The following SHROOM3 variants were observed in gnomAD, a reference collection of about 807,000 sequenced individuals.
The protein encoded by SHROOM3 is shroom family member 3.
In SHROOM3, 47 loss-of-function variants were observed where a neutral mutation model predicts 138.6. The observed-to-expected ratio is 0.34, with a 90% CI of 0.27 to 0.43. The LOEUF is 0.43. Among genes scored for constraint, SHROOM3 ranks in the 20% least tolerant of loss-of-function variants. The pLI is 1.00. For missense variants in SHROOM3, 2,491 were observed against 2,596.5 expected, an observed-to-expected ratio of 0.96 and a Z score of 0.88; for synonymous variants, 1,062 against 1,063.3, an observed-to-expected ratio of 1.00 and a Z score of 0.02.
chr4:76,464,099 T>C (rs1185704749), intron 1 of SHROOM3, among the ~76,000 whole-genome samples: 3 of 152,222 alleles, frequency 2.0e-5, no homozygotes, highest in Non-Finnish European at 2.9e-5. Context: ...CAGCCTGCAC[T>C]GTGCACCCGG....
At chr4:76,505,658 GA>G (rs1221416048) in intron 1 of SHROOM3, among the ~76,000 whole-genome samples, 2 of 144,232 alleles carry the variant, frequency 1.4e-5, no homozygotes, top group Non-Finnish European at 3.0e-5. Context: ...TAGGTATTGT[GA>G]CTTTTTTTTT....
chr4:76,552,803 A>T (rs1000616522), intron 1 of SHROOM3, among the ~76,000 whole-genome samples: 2 of 152,076 alleles, frequency 1.3e-5, no homozygotes, highest in African/African-American at 4.8e-5. Flanking sequence ...CTAAAAAAAG[A>T]GAAAATATGG....
At chr4:76,442,445 T>TG (rs578003671) in intron 1 of SHROOM3, among the ~76,000 whole-genome samples, 88 of 146,898 alleles carry the variant, frequency 6.0e-4, no homozygotes, top group Non-Finnish European at 1.1e-3. Flanking sequence ...AGTCTTGCTC[T>TG]GTCGCCCAGG....
At chr4:76,606,180 AT>A (rs1156858453) in intron 2 of SHROOM3, among the ~76,000 whole-genome samples, 1 of 148,996 alleles carries the variant, frequency 6.7e-6, no homozygotes, top group Non-Finnish European at 1.5e-5. Context: ...CGCCTAGCTA[AT>A]TTTTGTATTT....
intron 2 of SHROOM3, among the ~76,000 whole-genome samples, chr4:76,704,416 G>A (rs1215355513): frequency 6.6e-6 from 1 of 152,212 alleles, no homozygotes; most frequent in Non-Finnish European, 1.5e-5. Context: ...GGAAAGATCA[G>A]GTGCCAGGAA....
At chr4:76,760,569 G>A (rs1432522458) in intron 9 of SHROOM3, among the ~76,000 whole-genome samples, 1 of 152,148 alleles carries the variant, frequency 6.6e-6, no homozygotes, top group Non-Finnish European at 1.5e-5. Flanking sequence ...TCTACAATGT[G>A]TCCCAAGCTG....
At chr4:76,689,601 T>C (rs1719450555) in intron 2 of SHROOM3, 2 of 985,098 alleles carry the variant, frequency 2.0e-6, no homozygotes, top group Non-Finnish European at 2.4e-6. Context: ...CCGCCGGCGA[T>C]GCCGCGCGCC....
chr4:76,600,898 A>T (rs1734491443), intron 2 of SHROOM3, among the ~76,000 whole-genome samples: 2 of 152,354 alleles, frequency 1.3e-5, no homozygotes, highest in South Asian at 4.1e-4. Flanking sequence ...ACTGGTTTTG[A>T]TTGCCACTGA....
chr4:76,490,296 A>G (rs1175340837), intron 1 of SHROOM3, among the ~76,000 whole-genome samples: 1 of 152,180 alleles, frequency 6.6e-6, no homozygotes, highest in East Asian at 1.9e-4. Flanking sequence ...GTGGAGTTAC[A>G]AAATTACAAA....
At chr4:76,608,574 GCATAGCATAGCATAGCA>G (rs1287385300) in intron 2 of SHROOM3, among the ~76,000 whole-genome samples, 8 of 149,632 alleles carry the variant, frequency 5.3e-5, no homozygotes, top group African/African-American at 2.0e-4. Flanking sequence ...GCATAGCATA[GCATAGCATAGCATAGCA>G]TAGCATAGCA....
At chr4:76,580,212 A>T (rs1734020669) in intron 2 of SHROOM3, among the ~76,000 whole-genome samples, 1 of 152,186 alleles carries the variant, frequency 6.6e-6, no homozygotes, top group Non-Finnish European at 1.5e-5. Context: ...CATTCAACTG[A>T]TCCCCTCTGC....
At chr4:76,661,481 C>T (rs1383922776) in intron 2 of SHROOM3, among the ~76,000 whole-genome samples, 3 of 152,040 alleles carry the variant, frequency 2.0e-5, no homozygotes, top group East Asian at 3.9e-4. Flanking sequence ...CCGCCCACCT[C>T]GGCCTCCCAA....
intron 1 of SHROOM3, among the ~76,000 whole-genome samples, chr4:76,477,519 T>C (rs1731512596): frequency 6.6e-6 from 1 of 152,076 alleles, no homozygotes; most frequent in African/African-American, 2.4e-5. Flanking sequence ...AATTTTGGAA[T>C]TATTCTCATG....
intron 1 of SHROOM3, among the ~76,000 whole-genome samples, chr4:76,515,887 A>T (rs1560530615): frequency 6.6e-6 from 1 of 152,186 alleles, no homozygotes; most frequent in Non-Finnish European, 1.5e-5. Flanking sequence ...TAAATAATTA[A>T]TTTGAGATAT....
At chr4:76,625,947 G>A (rs867449470) in intron 2 of SHROOM3, among the ~76,000 whole-genome samples, 1 of 152,308 alleles carries the variant, frequency 6.6e-6, no homozygotes, top group East Asian at 1.9e-4. Flanking sequence ...ATTTGTTGAA[G>A]GCTCAATTGA....
rs1016572965 is a variant in SHROOM3 at position 76,741,247 on chromosome 4, A to G, written c.3074A>G (p.Lys1025Arg). The change falls in exon 5 of 11, where the codon AAG becomes AGG. Residue 1025 changes from lysine (K) to arginine (R), a missense_variant. By Grantham distance (26) the Lys-to-Arg change is conservative. Around this residue, in one of 4 missense-constraint regions of SHROOM3, gnomAD observed 1,733 missense variants for 1,661.6 expected, o/e 1.04. Coordinates refer to ENST00000296043, the MANE Select transcript of SHROOM3 (RefSeq NM_020859.4). This position sits in a 1 kb window ranked among gnomAD's most constrained non-coding sequence, Gnocchi z 6.2. Reference sequence around the variant, plus strand: ...AAGCGCTCCTACTCGGAGCCCGAGAAGATGAACGAGGTGGGGATCGTGGAG... The same window carrying G: ...AAGCGCTCCTACTCGGAGCCCGAGAGGATGAACGAGGTGGGGATCGTGGAG... ...QKKRSYSEPE[K>R]MNEVGIVEEA... is the part of the protein sequence containing the mutation. The G allele has an allele frequency of 1.2e-6, 2 of 1,611,758 alleles. No homozygotes were observed. The highest frequency in any genetic ancestry group is 1.3e-5 in the African/African-American group (1 of 74,904).
chr4:76,478,079 GA>G (rs1220203450), intron 1 of SHROOM3, among the ~76,000 whole-genome samples: 32 of 152,264 alleles, frequency 2.1e-4, no homozygotes, highest in African/African-American at 7.2e-4. Flanking sequence ...CTAGCTACAG[GA>G]GTTTATTTTT....
chr4:76,607,896 C>T (rs546494378), intron 2 of SHROOM3, among the ~76,000 whole-genome samples: 2 of 152,264 alleles, frequency 1.3e-5, no homozygotes, highest in South Asian at 4.1e-4. Context: ...TAACATTAAC[C>T]TTTATGAAGG....
Position 76,608,673 on chromosome 4 carries a change from T to TAGCATAGCAC in SHROOM3, c.323+52914_323+52915insTAGCACAGCA, listed in dbSNP as rs1734692965. ...TAGCATAGCATAGCATAGCACAGCA[T>TAGCATAGCAC]AGCACAGCACAGCACAGCACAGCAC... On this transcript the variant is annotated intron_variant, in intron 2 of 10. Transcript: ENST00000296043. Among the ~76,000 whole-genome samples the TAGCATAGCAC allele has an allele frequency of 1.9e-4, 20 of 108,104 alleles. 1 individual carries two copies. Among genetic ancestry groups the TAGCATAGCAC allele is most frequent in the African/African-American group, 5.9e-4 (17 of 28,736 alleles). 70.9% of individuals were successfully genotyped at this position (108,104 alleles called of 152,430 possible).
Sources: gnomAD v4.1 joint callset for allele counts (sites outside exome capture counted in the v4.1 genomes callset) on GRCh38, gnomAD v4.1.1 for gene constraint, gnomAD v4.1.1 regional missense constraint, Gnocchi (gnomAD v3.1) non-coding constraint, MANE v1.5 for transcripts, NCBI Gene and HGNC (gene_info 2026-07-23, HGNC 2026-07-21) for gene names.